GXYLT1: variants seen among roughly 807,000 people sequenced by gnomAD.
GXYLT1 encodes glucoside xylosyltransferase 1.
In GXYLT1, 29 loss-of-function variants were observed where a neutral mutation model predicts 54.0. The observed-to-expected ratio is 0.54, with a 90% CI of 0.40 to 0.73. GXYLT1 has a LOEUF of 0.73. Ranked by LOEUF, GXYLT1 falls within the 30% of genes least tolerant of loss-of-function variation. The pLI, the probability that GXYLT1 is intolerant of heterozygous loss-of-function variation, is 0.00. For synonymous variants in GXYLT1, 176 were observed against 204.1 expected, an observed-to-expected ratio of 0.86 and a Z score of 1.17; for missense variants, 490 against 553.4, an observed-to-expected ratio of 0.89 and a Z score of 1.15.
rs796278288 is a variant in GXYLT1, at chr12:42,083,914, C to T, written c.*3872G>A. Reference sequence around the variant, plus strand: ...AGTCTAACACTTGGGATGGCTAAAACAATAAAGTTAAAAAGGAAGATACTT... The same window carrying T: ...AGTCTAACACTTGGGATGGCTAAAATAATAAAGTTAAAAAGGAAGATACTT... On this transcript the variant is annotated 3_prime_UTR_variant, in exon 8 of 8. Transcript: ENST00000398675. The T allele has an allele frequency of 6.7e-6, 1 of 150,254 alleles. No individual in the cohort carries two copies. Among genetic ancestry groups the T allele is most frequent in the East Asian group, 1.9e-4 (1 of 5,134 alleles). 9.3% of individuals were successfully genotyped at this position (150,254 alleles called of 1,614,324 possible).
intron 4 of GXYLT1, 32 bp downstream of exon 4, chr12:42,109,523 TAAAAAAAAAAA>T: frequency 8.8e-7 from 1 of 1,131,472 alleles, no homozygotes; most frequent in South Asian, 2.3e-5. Flanking sequence ...GGTTCAAATT[TAAAAAAAAAAA>T]AAAAAAAAAG....
At position 42,123,917 on chromosome 12, in the gene GXYLT1, G is replaced by A. The variant is rs2065545758; in HGVS notation, c.315-4746C>T. On this transcript the variant is annotated intron_variant, in intron 2 of 7. Transcript: ENST00000398675. ...ACCTTTTTCTCTTACTATTAAAAGA[G>A]TTGTTCCCAGCAACACATAATGGAC... Among the ~76,000 whole-genome samples the A allele has an allele frequency of 2.0e-5, 3 of 150,606 alleles. No homozygotes were observed. In the South Asian group the frequency reaches 6.3e-4, roughly 31 times the overall value.
chr12:42,123,567 G>C lies in GXYLT1; in HGVS notation c.315-4396C>G, dbSNP rs1565577749. The stretch of plus-strand genomic sequence containing the variant: ...GCAAATACTGTTAATAAACTTCTAA[G>C]TCTTAAGAATTGACTTCTTATTTTA... On this transcript the variant is annotated intron_variant, in intron 2 of 7. Coordinates refer to ENST00000398675, the MANE Select transcript of GXYLT1 (RefSeq NM_173601.2). Among the ~76,000 whole-genome samples, 10 of 151,426 alleles carry C rather than the reference G, an allele frequency of 6.6e-5. No homozygotes were observed. The South Asian group carries it at 1.9e-3, about 28-fold the overall frequency.
chr12:42,120,446 G>C (rs1205190701), intron 2 of GXYLT1, among the ~76,000 whole-genome samples: 1 of 152,176 alleles, frequency 6.6e-6, no homozygotes, highest in Non-Finnish European at 1.5e-5. Flanking sequence ...GATACCAACA[G>C]GCTTAAGTAA....
At chr12:42,115,860 T>A (rs10880244) in intron 3 of GXYLT1, among the ~76,000 whole-genome samples, 2 of 128,180 alleles carry the variant, frequency 1.6e-5, no homozygotes, top group South Asian at 3.1e-4. Flanking sequence ...GGAGGCATCA[T>A]GCTACCTGAC....
chr12:42,126,068 A>C (rs2065559605), intron 2 of GXYLT1, among the ~76,000 whole-genome samples: 1 of 147,012 alleles, frequency 6.8e-6, no homozygotes, highest in African/African-American at 2.6e-5. Context: ...CAAAACCAGT[A>C]GGAACTTTTT....
At position 42,087,625 on chromosome 12, in the gene GXYLT1, T is replaced by C. The variant is rs2065303148; in HGVS notation, c.*161A>G. ...GTTGAGGCCCAAGATTTTAACTTAT[T>C]CTTCATTACCTGAAAATACTGCTTA... On this transcript the variant is annotated 3_prime_UTR_variant, in exon 8 of 8. Transcript: ENST00000398675. 2 of 551,976 alleles carry C rather than the reference T, an allele frequency of 3.6e-6. No homozygotes were observed. Among genetic ancestry groups the C allele is most frequent in the Non-Finnish European group, 6.3e-6 (2 of 318,828 alleles). The allele number at this position is 551,976 out of a possible 1,614,324, so 34.2% of individuals were successfully genotyped here.
intron 1 of GXYLT1, among the ~76,000 whole-genome samples, chr12:42,139,281 GA>G (rs2065638620): frequency 6.6e-6 from 1 of 151,706 alleles, no homozygotes; most frequent in Non-Finnish European, 1.5e-5. Context: ...CAAAAGCACA[GA>G]ATATTTTAAT....
intron 1 of GXYLT1, among the ~76,000 whole-genome samples, chr12:42,138,337 C>T (rs824734): frequency 0.77 from 116,944 of 152,210 alleles, 45,207 homozygotes; most frequent in East Asian, 0.83. Flanking sequence ...GACAACTTAA[C>T]TTCTAGCTCT....
rs932950237 is a variant in GXYLT1, at chr12:42,082,837, G to T, written c.*4949C>A. On this transcript the variant is annotated 3_prime_UTR_variant, in exon 8 of 8. Transcript: ENST00000398675. ...ATTCTATCTTCATGATTTTTTACAAGAGGTTGCTATAGTGTGCTATGTGTG... is the reference window on the plus strand; with the variant it reads ...ATTCTATCTTCATGATTTTTTACAATAGGTTGCTATAGTGTGCTATGTGTG... The T allele has an allele frequency of 6.6e-5, 10 of 152,110 alleles. No homozygotes were observed. Among genetic ancestry groups the T allele is most frequent in the African/African-American group, 2.4e-4 (10 of 41,432 alleles). The allele number at this position is 152,110 out of a possible 1,614,324, so 9.4% of individuals were successfully genotyped here.
intron 3 of GXYLT1, among the ~76,000 whole-genome samples, chr12:42,113,482 C>T (rs1262341148): frequency 6.0e-5 from 9 of 151,008 alleles, no homozygotes; most frequent in Non-Finnish European, 1.3e-4. Flanking sequence ...GGTTGCAATC[C>T]TAGTCTCTGA....
chr12:42,096,046 G>A (rs1008816978), intron 7 of GXYLT1, among the ~76,000 whole-genome samples: 1 of 152,156 alleles, frequency 6.6e-6, no homozygotes, highest in African/African-American at 2.4e-5. Context: ...AAAATGTGTT[G>A]ATGACAGAAG....
chr12:42,114,130 G>A (rs1386332206), intron 3 of GXYLT1, among the ~76,000 whole-genome samples: 1 of 152,194 alleles, frequency 6.6e-6, no homozygotes, highest in Admixed American at 6.5e-5. Context: ...ATTCAAAGCA[G>A]TGTGTAGAGG....
chr12:42,089,713 C>T (rs1490381025), intron 7 of GXYLT1, among the ~76,000 whole-genome samples: 1 of 152,144 alleles, frequency 6.6e-6, no homozygotes, highest in African/African-American at 2.4e-5. Context: ...ATTAAGCAAA[C>T]AACACCATGC....
intron 2 of GXYLT1, among the ~76,000 whole-genome samples, chr12:42,126,814 C>CG (rs939523678): frequency 2.7e-5 from 4 of 146,722 alleles, no homozygotes; most frequent in African/African-American, 1.0e-4. Flanking sequence ...CAGGAGGCAG[C>CG]GGTTGCAGTG....
chr12:42,094,010 C>T (rs2065342338), intron 7 of GXYLT1, among the ~76,000 whole-genome samples: 2 of 151,562 alleles, frequency 1.3e-5, no homozygotes, highest in Admixed American at 6.6e-5. Context: ...ATAACCTGTT[C>T]TGTAACCCAA....
intron 3 of GXYLT1, among the ~76,000 whole-genome samples, chr12:42,115,953 C>T (rs2065491844): frequency 1.4e-5 from 2 of 144,676 alleles, no homozygotes; most frequent in South Asian, 4.9e-4. Flanking sequence ...TGGAACTGAA[C>T]AGAGCCCTCA....
chr12:42,126,086 TTTTTTGAGACAGAGTCTCACTCTGTCAC>T (rs2136912209), intron 2 of GXYLT1, among the ~76,000 whole-genome samples: 1 of 151,370 alleles, frequency 6.6e-6, no homozygotes, highest in East Asian at 1.9e-4. Context: ...TTTTTTTTTT[TTTTTTGAGACAGAGTCTCACTCTGTCAC>T]TCAGGCTGGA....
At chr12:42,138,321 T>C (rs998447587) in intron 1 of GXYLT1, among the ~76,000 whole-genome samples, 12 of 152,184 alleles carry the variant, frequency 7.9e-5, no homozygotes, top group African/African-American at 2.9e-4. Flanking sequence ...AAATAAATAA[T>C]TTCTAGACAA....
Sources: gnomAD v4.1 joint callset for allele counts (sites outside exome capture counted in the v4.1 genomes callset) on GRCh38, gnomAD v4.1.1 for gene constraint, MANE v1.5 for transcripts, NCBI Gene and HGNC (gene_info 2026-07-23, HGNC 2026-07-21) for gene names.